The following SERAC1 variants were observed in gnomAD, a reference collection of about 807,000 sequenced individuals.
SERAC1 encodes the protein protein SERAC1.
In SERAC1, 36 loss-of-function variants were observed where a neutral mutation model predicts 85.7. The ratio of observed to expected loss-of-function variants is 0.42; its 90% CI spans 0.32 to 0.55. The LOEUF (loss-of-function observed/expected upper bound fraction) is 0.55, where lower values mean the gene tolerates loss of function less well. Ranked by LOEUF, SERAC1 falls within the 20% of genes least tolerant of loss-of-function variation. The pLI is 0.11. For synonymous variants in SERAC1, 242 were observed against 265.3 expected, an observed-to-expected ratio of 0.91 and a Z score of 0.85; for missense variants, 629 against 796.2, an observed-to-expected ratio of 0.79 and a Z score of 2.53.
chr6:158,116,876 AT>A (rs1310106125), intron 13 of SERAC1: 2 of 152,808 alleles, frequency 1.3e-5, no homozygotes, highest in Non-Finnish European at 2.9e-5. Context: ...AAAAACTAGA[AT>A]GAGTCAAGTT....
Position 158,120,436 on chromosome 6 carries a change from T to C in SERAC1, c.1155A>G (p.Gln385=), listed in dbSNP as rs116173262. 1,198 of 1,611,986 alleles carry C rather than the reference T, an allele frequency of 7.4e-4. 7 individuals are homozygous for C. In the African/African-American group the frequency reaches 0.014, roughly 19 times the overall value. ...YQDGVYVLHP[Q]YRTSQPIKAD... ...TTCTGCTTCCTTACCTTGTTCGATATTGGGGATGCAGCACATATACGCCAT... is the reference window on the plus strand; with the variant it reads ...TTCTGCTTCCTTACCTTGTTCGATACTGGGGATGCAGCACATATACGCCAT... The change falls in exon 11 of 17, where the codon CAA becomes CAG. Residue 385 remains glutamine (Q), a synonymous_variant. Coordinates refer to ENST00000647468, the MANE Select transcript of SERAC1 (RefSeq NM_032861.4). The surrounding 1 kb of genome is among the most constrained non-coding windows in gnomAD (Gnocchi z 4.4).
Position 158,144,374 on chromosome 6 carries a change from A to G in SERAC1, c.534T>C (p.Leu178=). The stretch of plus-strand genomic sequence containing the variant: ...TCTCTTCGCTTCGTGCCAAACCAAT[A>G]AGAGTTTTCGGATCACAGGCTTGAG... ...IIAQACDPKT[L]IGLARSEESD... Residue 178 remains leucine (L), a synonymous_variant, in exon 7 of 17, where the codon CTT becomes CTC. Coordinates refer to ENST00000647468, the MANE Select transcript of SERAC1 (RefSeq NM_032861.4). 6.2e-7 allele frequency: 1 copy of G among 1,613,428 alleles called. No individual in the cohort carries two copies. Among genetic ancestry groups the G allele is most frequent in the South Asian group, 1.1e-5 (1 of 90,976 alleles).
At chr6:158,146,290 T>C (rs1043644860) in intron 6 of SERAC1, 1 of 152,590 alleles carries the variant, frequency 6.6e-6, no homozygotes, top group Non-Finnish European at 1.5e-5. Context: ...CAGCAGGCTT[T>C]CTACTTTCCG....
At chr6:158,149,052 C>G (rs1374573746) in intron 4 of SERAC1, 98 bp from the exon 5 acceptor site, 2 of 805,508 alleles carry the variant, frequency 2.5e-6, no homozygotes, top group African/African-American at 3.5e-5. Flanking sequence ...TGCAGTGGCA[C>G]AATCTCGGCT....
In SERAC1 at chr6:158,109,692, T is replaced by A. The variant is rs537946013; in HGVS notation, c.*1674A>T. 3 of 152,258 alleles carry A rather than the reference T, an allele frequency of 2.0e-5. No homozygotes were observed. Among genetic ancestry groups the A allele is most frequent in the Admixed American group, 6.5e-5 (1 of 15,294 alleles). The allele number at this position is 152,258 out of a possible 1,614,324, so 9.4% of individuals were successfully genotyped here. On this transcript the variant is annotated 3_prime_UTR_variant, in exon 17 of 17. Coordinates refer to ENST00000647468, the MANE Select transcript of SERAC1 (RefSeq NM_032861.4). ...CAAAAACATCTATCCACACATAAATTTGTACACAAATGATCATGGTAGCAT... is the reference window on the plus strand; with the variant it reads ...CAAAAACATCTATCCACACATAAATATGTACACAAATGATCATGGTAGCAT...
chr6:158,114,927 C>T lies in SERAC1; in HGVS notation c.1546G>A (p.Glu516Lys), dbSNP rs1784247222. The change falls in exon 15 of 17, where the codon GAA (glutamate) becomes AAA (lysine). Residue 516 changes from glutamate to lysine, a missense_variant. Glu to Lys is a moderately conservative substitution (Grantham distance 56). Coordinates refer to ENST00000647468, the MANE Select transcript of SERAC1 (RefSeq NM_032861.4). The part of the protein sequence containing the change: ...KMLLEASTKP[E>K]MSTVINNTRG... ...GTATTGTTGATAACAGTACTCATTT[C>T]TGGCTTCGTAGAGGCTTCCAACAGC... The T allele has an allele frequency of 1.9e-6, 3 of 1,613,702 alleles. No individual in the cohort carries two copies. Among genetic ancestry groups the T allele is most frequent in the South Asian group, 2.2e-5 (2 of 91,020 alleles).
chr6:158,154,175 A>AAAAAAAAAG (rs1785271896), intron 3 of SERAC1, among the ~76,000 whole-genome samples: 1 of 150,754 alleles, frequency 6.6e-6, no homozygotes, highest in African/African-American at 2.4e-5. Context: ...AAAAAAAAAA[A>AAAAAAAAAG]AAAAAGAATC....
At chr6:158,141,774 G>A (rs981127117) in intron 8 of SERAC1, among the ~76,000 whole-genome samples, 1 of 152,148 alleles carries the variant, frequency 6.6e-6, no homozygotes, top group Non-Finnish European at 1.5e-5. Flanking sequence ...ATACAGAAAG[G>A]GCTATAGAGG....
intron 16 of SERAC1, chr6:158,111,734 G>T: frequency 2.9e-6 from 1 of 344,230 alleles, no homozygotes. Context: ...TGAACTTTTC[G>T]TATGTGTTCT....
intron 3 of SERAC1, chr6:158,151,077 AG>A (rs1312291042): frequency 1.3e-5 from 2 of 154,752 alleles, no homozygotes; most frequent in African/African-American, 4.8e-5. Flanking sequence ...GGAGGCATCC[AG>A]AAGAAAGTGT....
At chr6:158,161,036 T>C (rs1785476089) in intron 1 of SERAC1, 1 of 152,212 alleles carries the variant, frequency 6.6e-6, no homozygotes, top group South Asian at 2.1e-4. Context: ...GTTAGCACTC[T>C]CACTCTCAGC....
intron 4 of SERAC1, among the ~76,000 whole-genome samples, chr6:158,149,525 G>A (rs977027696): frequency 6.6e-6 from 1 of 152,080 alleles, no homozygotes; most frequent in Admixed American, 6.5e-5. Flanking sequence ...TAAAGCTAAT[G>A]AAAATCCTCA....
chr6:158,124,780 CACACACACAT>C lies in SERAC1; in HGVS notation c.1015+3318_1015+3327del, dbSNP rs1269109476. ...ACACACACACACACACACACACACACACACACACATACACACTCAACAAAGAATACTTTAT... is the reference window on the plus strand; with the variant it reads ...ACACACACACACACACACACACACACACACACTCAACAAAGAATACTTTAT... On this transcript the variant is annotated intron_variant, in intron 10 of 16. Coordinates refer to ENST00000647468, the MANE Select transcript of SERAC1 (RefSeq NM_032861.4). Among the ~76,000 whole-genome samples, 257 of 129,248 alleles carry C rather than the reference CACACACACAT, an allele frequency of 2.0e-3. 2 individuals are homozygous for C. The East Asian group carries it at 0.024, about 12-fold the overall frequency. The allele number at this position is 129,248 out of a possible 152,430, so 84.8% of individuals were successfully genotyped here.
intron 3 of SERAC1, 78 bp downstream of exon 3, chr6:158,155,237 C>T: frequency 1.0e-6 from 1 of 986,412 alleles, no homozygotes; most frequent in Non-Finnish European, 1.6e-6. Flanking sequence ...AGACCTCATG[C>T]AACCTGTCAA....
intron 1 of SERAC1, chr6:158,166,118 C>T (rs1317939791): frequency 6.6e-6 from 1 of 152,188 alleles, no homozygotes; most frequent in Non-Finnish European, 1.5e-5. Flanking sequence ...AAATACCTTG[C>T]AGCTGTGCCA....
At chr6:158,139,451 A>G (rs1022130022) in intron 8 of SERAC1, among the ~76,000 whole-genome samples, 7 of 152,246 alleles carry the variant, frequency 4.6e-5, no homozygotes, top group African/African-American at 1.7e-4. Flanking sequence ...AGAGATTTGT[A>G]TCTAGAATAT....
intron 6 of SERAC1, chr6:158,146,509 C>G (rs1247044183): frequency 4.1e-6 from 1 of 242,632 alleles, no homozygotes; most frequent in Non-Finnish European, 8.1e-6. Context: ...CCTGGGTTCA[C>G]GCCATTCTCC....
chr6:158,128,161 A>G lies in SERAC1; in HGVS notation c.962T>C (p.Val321Ala), dbSNP rs1172869211. 6.2e-7 allele frequency: 1 copy of G among 1,614,070 alleles called. No individual in the cohort carries two copies. Among genetic ancestry groups the G allele is most frequent in the Non-Finnish European group, 8.5e-7 (1 of 1,180,018 alleles). Residue 321 changes from valine to alanine, a missense_variant, in exon 10 of 17, where the codon GTC becomes GCC. Transcript: ENST00000647468. ...CPKVQRNIMRVIGNMALNEHL... is the reference protein window; with the variant it reads ...CPKVQRNIMRAIGNMALNEHL... Reference sequence around the variant, plus strand: ...TTCATTCAAAGCCATATTTCCAATGACACGCATTATATTTCTCTGTACTTT... The same window carrying G: ...TTCATTCAAAGCCATATTTCCAATGGCACGCATTATATTTCTCTGTACTTT...
At chr6:158,114,682 T>C in intron 15 of SERAC1, 107 bp downstream of exon 15, 1 of 455,614 alleles carries the variant, frequency 2.2e-6, no homozygotes, top group South Asian at 4.8e-5. Flanking sequence ...CACAATTATA[T>C]ACAAATTATA....
Sources: allele counts gnomAD v4.1 joint callset (sites outside exome capture counted in the v4.1 genomes callset), GRCh38; gene constraint gnomAD v4.1.1; non-coding constraint Gnocchi (gnomAD v3.1); transcripts MANE v1.5; gene names NCBI Gene and HGNC (gene_info 2026-07-23, HGNC 2026-07-21).